NABP1: variants seen among roughly 807,000 people sequenced by gnomAD.
NABP1 encodes the protein nucleic acid binding protein 1.
In NABP1, 18 loss-of-function variants were observed where a neutral mutation model predicts 25.0. The ratio of observed to expected loss-of-function variants is 0.72; its 90% CI spans 0.50 to 1.07. The LOEUF (loss-of-function observed/expected upper bound fraction) is 1.07, where lower values mean the gene tolerates loss of function less well. Among genes scored for constraint, NABP1 ranks in the 50% least tolerant of loss-of-function variants. NABP1 has a pLI of 0.00. For synonymous variants in NABP1, 71 were observed against 85.0 expected (o/e 0.84, Z 0.91); for missense variants, 270 against 255.6 (o/e 1.06, Z -0.39).
rs369247943 is a variant in NABP1, at chr2:191,678,588, C to A, written c.-27C>A. 22 of 1,573,358 alleles carry A rather than the reference C, an allele frequency of 1.4e-5. No homozygotes were observed. The highest frequency in any genetic ancestry group is 1.8e-5 in the Non-Finnish European group (21 of 1,147,902). On this transcript the variant is annotated 5_prime_UTR_variant, in exon 1 of 6. Coordinates refer to ENST00000425611, the MANE Select transcript of NABP1 (RefSeq NM_001031716.5). ...ACCCCGCCCTGCCCACTCGCGTCTC[C>A]GCAGCCGTAGCCGCGCCTGTCCCAA... is the stretch of plus-strand genomic sequence containing the variant.
In NABP1 at chr2:191,686,756, A is replaced by G. The variant is rs1395380819; in HGVS notation, c.*988A>G. The G allele has an allele frequency of 6.5e-6, 1 of 152,684 alleles. No individual in the cohort carries two copies. The highest frequency in any genetic ancestry group is 1.9e-4 in the East Asian group (1 of 5,188). 9.5% of individuals were successfully genotyped at this position (152,684 alleles called of 1,614,324 possible). A position where few individuals can be genotyped will look rare whatever the true frequency, so the allele number is the denominator to read the frequency against. ...CACAGTTCACATAGCCTTATTAGCAAAAGTTTTAAGAAATGGCTCTATCAA... is the reference window on the plus strand; with the variant it reads ...CACAGTTCACATAGCCTTATTAGCAGAAGTTTTAAGAAATGGCTCTATCAA... On this transcript the variant is annotated 3_prime_UTR_variant, in exon 6 of 6. Coordinates refer to ENST00000425611, the MANE Select transcript of NABP1 (RefSeq NM_001031716.5).
rs1247819599 is a variant in NABP1, at chr2:191,678,621, A to G, written c.7A>G (p.Arg3Gly). The change falls in exon 1 of 6, where the codon AGG becomes GGG. Residue 3 changes from arginine (R) to glycine (G), a missense_variant. Arg to Gly is a moderately radical substitution (Grantham distance 125). Coordinates refer to ENST00000425611, the MANE Select transcript of NABP1 (RefSeq NM_001031716.5). ...TAGCCGCGCCTGTCCCAATATGAAT[A>G]GGGTCAACGACCCACTTATTTTTAT... MN[R>G]VNDPLIFIRD... 1 of 1,610,258 alleles carries G rather than the reference A, an allele frequency of 6.2e-7. No individual in the cohort carries two copies. The highest frequency in any genetic ancestry group is 2.2e-5 in the East Asian group (1 of 44,832).
intron 2 of NABP1, 114 bp downstream of exon 2, chr2:191,679,242 G>A: frequency 2.3e-6 from 3 of 1,330,200 alleles, no homozygotes; most frequent in Non-Finnish European, 3.1e-6. Context: ...CCACTCTTGA[G>A]GAGTTTTGAA....
At chr2:191,684,116 A>T (rs1226790092) in intron 4 of NABP1, 114 bp from the exon 5 acceptor site, 9 of 149,812 alleles carry the variant, frequency 6.0e-5, no homozygotes, top group Non-Finnish European at 9.1e-5. Context: ...TTTGTTAATT[A>T]AAAAAAAAAA....
chr2:191,685,459 CATT>C, intron 5 of NABP1, 137 bp from the exon 6 acceptor site: 1 of 804,342 alleles, frequency 1.2e-6, no homozygotes, highest in African/African-American at 1.7e-5. Context: ...TTAGAGCCCA[CATT>C]GTTTTTTTTT....
intron 5 of NABP1, chr2:191,684,852 T>C (rs1315407264): frequency 6.6e-6 from 1 of 152,412 alleles, no homozygotes; most frequent in Non-Finnish European, 1.5e-5. Context: ...GCTCATGTTT[T>C]GGTTTTGTTT....
chr2:191,680,527 G>A (rs1687659226), intron 2 of NABP1, among the ~76,000 whole-genome samples: 1 of 152,170 alleles, frequency 6.6e-6, no homozygotes, highest in African/African-American at 2.4e-5. Flanking sequence ...GGATTGATTA[G>A]TATAATTGGA....
At chr2:191,684,363 C>T (rs1000610877) in intron 5 of NABP1, 67 bp downstream of exon 5, 26 of 1,160,378 alleles carry the variant, frequency 2.2e-5, no homozygotes, top group Admixed American at 1.1e-4. Flanking sequence ...TAAAGATTCA[C>T]GTGAAAAGCA....
chr2:191,679,033 C>G lies in NABP1; in HGVS notation c.135C>G (p.Cys45Trp). Residue 45 changes from cysteine (C) to tryptophan (W), a missense_variant, in exon 2 of 6, where the codon TGC (cysteine) becomes TGG (tryptophan). Physicochemically the swap from Cys to Trp is radical, Grantham distance 215 (BLOSUM62 -2). Transcript: ENST00000425611. ...AAGACGGCCATGAAGTGAGATCGTGCAAAGTAGCAGATAAAACGGGCAGCA... is the reference window on the plus strand; with the variant it reads ...AAGACGGCCATGAAGTGAGATCGTGGAAAGTAGCAGATAAAACGGGCAGCA... Reference protein sequence around the residue: ...KTKDGHEVRSCKVADKTGSIT... With the variant: ...KTKDGHEVRSWKVADKTGSIT... 6.2e-7 allele frequency: 1 copy of G among 1,614,214 alleles called. No individual in the cohort carries two copies. The highest frequency in any genetic ancestry group is 8.5e-7 in the Non-Finnish European group (1 of 1,180,040).
At chr2:191,682,296 G>A in intron 3 of NABP1, 1 of 384,948 alleles carries the variant, frequency 2.6e-6, no homozygotes, top group South Asian at 2.5e-5. Flanking sequence ...TTTTAGAAAT[G>A]TGCATTTTTT....
intron 1 of NABP1, 45 bp downstream of exon 1, chr2:191,678,750 G>C (rs1391709487): frequency 6.4e-7 from 1 of 1,552,216 alleles, no homozygotes; most frequent in Non-Finnish European, 8.8e-7. Context: ...TGTGCCTCCC[G>C]GGGCGGGAGA....
Position 191,681,942 on chromosome 2 carries a change from C to G in NABP1, c.231-4C>G. On this transcript the variant is annotated splice_region_variant and splice_polypyrimidine_tract_variant and intron_variant, in intron 2 of 5. Transcript: ENST00000425611. The stretch of plus-strand genomic sequence containing the variant: ...TAAAGAATTAATGTTTCTTTTCTCT[C>G]TAGGTATGCATCCATGTGGAAAGGA... The G allele has an allele frequency of 6.6e-7, 1 of 1,505,922 alleles. No individual in the cohort carries two copies. The highest frequency in any genetic ancestry group is 8.9e-7 in the Non-Finnish European group (1 of 1,127,674). The allele number at this position is 1,505,922 out of a possible 1,614,324, so 93.3% of individuals were successfully genotyped here.
chr2:191,678,769 C>T (rs1687578205), intron 1 of NABP1, 64 bp downstream of exon 1: 1 of 1,478,986 alleles, frequency 6.8e-7, no homozygotes, highest in Non-Finnish European at 9.2e-7. Context: ...GACAGGGGCG[C>T]CGGCCGCTGC....
chr2:191,679,206 C>G (rs565735474), intron 2 of NABP1, 78 bp downstream of exon 2: 180 of 1,568,160 alleles, frequency 1.1e-4, no homozygotes, highest in Non-Finnish European at 1.4e-4. Context: ...TTGGCAAGCC[C>G]TGAAGTCCCC....
chr2:191,683,785 G>A lies in NABP1; in HGVS notation c.359G>A (p.Arg120Gln). The change falls in exon 4 of 6, where the codon CGA (arginine) becomes CAA (glutamine). Residue 120 changes from arginine (R) to glutamine (Q), a missense_variant. Transcript: ENST00000425611. This position sits in a 1 kb window ranked among gnomAD's most constrained non-coding sequence, Gnocchi z 4.1. ...TTCAGTGAACCCAACCCAGATTATCGAGGACAGCAGAACAAAGGGGTAATT... is the reference window on the plus strand; with the variant it reads ...TTCAGTGAACCCAACCCAGATTATCAAGGACAGCAGAACAAAGGGGTAATT... Reference protein sequence around the residue: ...PNFSEPNPDYRGQQNKGAQSE... With the variant: ...PNFSEPNPDYQGQQNKGAQSE... 1.9e-6 allele frequency: 3 copies of A among 1,608,874 alleles called. No homozygotes were observed. The highest frequency in any genetic ancestry group is 2.5e-6 in the Non-Finnish European group (3 of 1,178,584).
chr2:191,684,378 C>CT, intron 5 of NABP1, 82 bp downstream of exon 5: 1 of 946,248 alleles, frequency 1.1e-6, no homozygotes, highest in Non-Finnish European at 1.5e-6. Flanking sequence ...AAAGCAACGT[C>CT]TTTAGGCATA....
intron 2 of NABP1, among the ~76,000 whole-genome samples, chr2:191,679,863 TA>T (rs1483610306): frequency 6.6e-6 from 1 of 152,196 alleles, no homozygotes; most frequent in Non-Finnish European, 1.5e-5. Flanking sequence ...AATGTGGACA[TA>T]AATGAAAATT....
chr2:191,682,208 A>G (rs1455660727), intron 3 of NABP1, 191 bp downstream of exon 3: 3 of 454,952 alleles, frequency 6.6e-6, no homozygotes, highest in Admixed American at 4.0e-5. Flanking sequence ...CTGTGGTTAA[A>G]AGTGTCAATT....
Position 191,683,821 on chromosome 2 carries a change from C to A in NABP1, c.378+17C>A, listed in dbSNP as rs1202479311. The A allele has an allele frequency of 3.2e-6, 5 of 1,578,246 alleles. No homozygotes were observed. In the South Asian group the frequency reaches 5.8e-5, roughly 18 times the overall value. On this transcript the variant is annotated intron_variant, in intron 4 of 5. Coordinates refer to ENST00000425611, the MANE Select transcript of NABP1 (RefSeq NM_001031716.5). The surrounding 1 kb of genome is among the most constrained non-coding windows in gnomAD (Gnocchi z 4.1). ...AACAAAGGGGTAATTGTGTAGTATA[C>A]TTTTATGATTAGGCTAATTTTGACT...
Sources: allele counts gnomAD v4.1 joint callset (sites outside exome capture counted in the v4.1 genomes callset), GRCh38; gene constraint gnomAD v4.1.1; non-coding constraint Gnocchi (gnomAD v3.1); transcripts MANE v1.5; gene names NCBI Gene and HGNC (gene_info 2026-07-23, HGNC 2026-07-21).